Variants in SLCO2A1 observed in about 807,000 individuals in gnomAD.
SLCO2A1 encodes the protein matrin F/G 1.
Under a neutral mutation model 71.7 loss-of-function variants are expected in SLCO2A1, and 60 were observed. The ratio of observed to expected loss-of-function variants is 0.84; its 90% CI spans 0.68 to 1.04. The LOEUF is 1.04. SLCO2A1 is among the 50% of genes least tolerant of loss of function. The pLI is 0.00. For synonymous variants in SLCO2A1, 308 were observed against 326.7 expected (o/e 0.94, Z 0.62); for missense variants, 745 against 813.4 (o/e 0.92, Z 1.02).
At chr3:134,029,664 C>A (rs1400629534) in intron 1 of SLCO2A1, 43 bp downstream of exon 1, 1 of 1,499,300 alleles carries the variant, frequency 6.7e-7, no homozygotes, top group East Asian at 2.5e-5. Flanking sequence ...GAAGGTGCGC[C>A]AGGCGCGGCT....
chr3:133,996,377 G>C (rs1934963561), intron 1 of SLCO2A1, among the ~76,000 whole-genome samples: 1 of 152,216 alleles, frequency 6.6e-6, no homozygotes, highest in Admixed American at 6.5e-5. Context: ...TTAGAAGCAG[G>C]GCGGGCAGGC....
intron 1 of SLCO2A1, among the ~76,000 whole-genome samples, chr3:133,987,045 T>C (rs1361130176): frequency 6.6e-6 from 1 of 152,084 alleles, no homozygotes; most frequent in African/African-American, 2.4e-5. Flanking sequence ...CCCACTCTGA[T>C]GTTTTCCACA....
intron 1 of SLCO2A1, among the ~76,000 whole-genome samples, chr3:133,980,620 G>T (rs553124154): frequency 6.6e-6 from 1 of 152,250 alleles, no homozygotes; most frequent in African/African-American, 2.4e-5. Context: ...GTCTTCCAAA[G>T]CTCTTTCCAT....
chr3:133,995,428 T>C (rs796132719), intron 1 of SLCO2A1, among the ~76,000 whole-genome samples: 6 of 152,240 alleles, frequency 3.9e-5, no homozygotes, highest in African/African-American at 1.4e-4. Flanking sequence ...TGCTTGAAAA[T>C]AAGCAGTAGA....
Position 133,938,078 on chromosome 3 carries a change from C to A in SLCO2A1, c.1690+351G>T, listed in dbSNP as rs900471361. Among the ~76,000 whole-genome samples the A allele has an allele frequency of 5.3e-5, 8 of 152,190 alleles. 1 individual carries two copies. Among genetic ancestry groups the A allele is most frequent in the Admixed American group, 5.2e-4 (8 of 15,276 alleles). On this transcript the variant is annotated intron_variant, in intron 12 of 13. Coordinates refer to ENST00000310926, the MANE Select transcript of SLCO2A1 (RefSeq NM_005630.3). ...AAAGGAAGCCAGGGCTGGGCTCAGCCGCTGCTCTGGCTTGGCAGGAATGCA... is the reference window on the plus strand; with the variant it reads ...AAAGGAAGCCAGGGCTGGGCTCAGCAGCTGCTCTGGCTTGGCAGGAATGCA...
chr3:133,978,201 T>G (rs1366367980), intron 2 of SLCO2A1, among the ~76,000 whole-genome samples: 1 of 152,146 alleles, frequency 6.6e-6, no homozygotes, highest in Non-Finnish European at 1.5e-5. Flanking sequence ...GCAGTGCTTG[T>G]GAGCAAGAGA....
In SLCO2A1 at chr3:133,948,642, C is replaced by T; in HGVS notation, c.999G>A (p.Leu333=). 6.2e-7 allele frequency: 1 copy of T among 1,614,070 alleles called. No homozygotes were observed. The highest frequency in any genetic ancestry group is 8.5e-7 in the Non-Finnish European group (1 of 1,180,016). Residue 333 remains leucine, a synonymous_variant, in exon 8 of 14, where the codon CTG becomes CTA. Transcript: ENST00000310926. Reference sequence around the variant, plus strand: ...TGACGGAGGAGAAGGTGCACTGGGCCAGGACCACCAGGACGAAGAGTGAGT... The same window carrying T: ...TGACGGAGGAGAAGGTGCACTGGGCTAGGACCACCAGGACGAAGAGTGAGT... ...LMNSLFVLVV[L]AQCTFSSVIA... is the part of the protein sequence containing the mutation.
At chr3:133,951,854 C>T (rs1428580305) in intron 5 of SLCO2A1, among the ~76,000 whole-genome samples, 5 of 152,296 alleles carry the variant, frequency 3.3e-5, no homozygotes, top group Middle Eastern at 3.4e-3. Context: ...TGCAAACCTG[C>T]CCTCTTAACC....
intron 5 of SLCO2A1, among the ~76,000 whole-genome samples, chr3:133,951,974 G>A (rs1353422251): frequency 6.6e-6 from 1 of 152,172 alleles, no homozygotes; most frequent in Non-Finnish European, 1.5e-5. Context: ...GCTTCCAAAG[G>A]AGCAGCTTTC....
At chr3:133,940,002 C>T (rs1048078470) in intron 11 of SLCO2A1, among the ~76,000 whole-genome samples, 2 of 125,534 alleles carry the variant, frequency 1.6e-5, no homozygotes, top group Non-Finnish European at 3.2e-5. Flanking sequence ...GAGTCTCATT[C>T]TGTCACCCAG....
At chr3:134,023,820 C>G (rs1935644959) in intron 1 of SLCO2A1, among the ~76,000 whole-genome samples, 1 of 152,212 alleles carries the variant, frequency 6.6e-6, no homozygotes, top group African/African-American at 2.4e-5. Flanking sequence ...AGACTGTCCC[C>G]TTTCCACTAA....
intron 3 of SLCO2A1, among the ~76,000 whole-genome samples, chr3:133,969,376 G>A (rs1293030664): frequency 1.3e-5 from 2 of 152,104 alleles, no homozygotes; most frequent in Non-Finnish European, 2.9e-5. Flanking sequence ...GTTGCAGTGA[G>A]CCGAGATCGC....
At chr3:133,987,137 C>CT (rs1934732782) in intron 1 of SLCO2A1, among the ~76,000 whole-genome samples, 1 of 126,170 alleles carries the variant, frequency 7.9e-6, no homozygotes, top group African/African-American at 2.9e-5. Flanking sequence ...CAAAGCCCCC[C>CT]CCCCCGCCCC....
At chr3:133,978,739 C>A (rs1223468792) in intron 2 of SLCO2A1, among the ~76,000 whole-genome samples, 1 of 152,100 alleles carries the variant, frequency 6.6e-6, no homozygotes, top group African/African-American at 2.4e-5. Context: ...AGCCCAGGAG[C>A]CCTGTCTCCA....
intron 1 of SLCO2A1, among the ~76,000 whole-genome samples, chr3:134,014,740 C>T (rs1025629185): frequency 2.6e-5 from 4 of 152,130 alleles, no homozygotes; most frequent in Non-Finnish European, 4.4e-5. Context: ...AGAGATGTTC[C>T]GTGGTCACGG....
rs551657200 is a variant in SLCO2A1, at chr3:134,022,419, TA to T, written c.96+7287del. 4.9e-3 allele frequency among the ~76,000 whole-genome samples: 738 copies of T among 152,152 alleles called. 9 individuals carry two copies. Among genetic ancestry groups the T allele is most frequent in the African/African-American group, 0.017 (708 of 41,548 alleles). On this transcript the variant is annotated intron_variant, in intron 1 of 13. Coordinates refer to ENST00000310926, the MANE Select transcript of SLCO2A1 (RefSeq NM_005630.3). Reference sequence around the variant, plus strand: ...TACATTTTTACCTACATTAAAAAGTTAAAAAAAATTATTGTTTTGAAGGTTT... The same window carrying T: ...TACATTTTTACCTACATTAAAAAGTTAAAAAAATTATTGTTTTGAAGGTTT...
intron 3 of SLCO2A1, among the ~76,000 whole-genome samples, chr3:133,958,525 G>A (rs1173529440): frequency 2.0e-5 from 3 of 152,196 alleles, no homozygotes; most frequent in Admixed American, 1.3e-4. Flanking sequence ...GCTCTTCTCA[G>A]GACCAAATAG....
At chr3:134,028,287 C>T (rs1449439251) in intron 1 of SLCO2A1, among the ~76,000 whole-genome samples, 14 of 152,164 alleles carry the variant, frequency 9.2e-5, no homozygotes, top group Non-Finnish European at 1.9e-4. Context: ...CTAGTCCCTA[C>T]CCTTTCATCT....
Position 133,948,527 on chromosome 3 carries a change from T to C in SLCO2A1, c.1105+9A>G, listed in dbSNP as rs749403601. 3.5e-5 allele frequency: 57 copies of C among 1,611,750 alleles called. No homozygotes were observed. In the East Asian group the frequency reaches 1.2e-3, roughly 35 times the overall value. Reference sequence around the variant, plus strand: ...GCCCTGCGGATCCTGCAGCACCCTCTGGGCTCACCAATGAGGAAGTTGGCA... The same window carrying C: ...GCCCTGCGGATCCTGCAGCACCCTCCGGGCTCACCAATGAGGAAGTTGGCA... On this transcript the variant is annotated intron_variant, in intron 8 of 13. Coordinates refer to ENST00000310926, the MANE Select transcript of SLCO2A1 (RefSeq NM_005630.3).
Sources: gnomAD v4.1 joint callset for allele counts (sites outside exome capture counted in the v4.1 genomes callset) on GRCh38, gnomAD v4.1.1 for gene constraint, MANE v1.5 for transcripts, NCBI Gene and HGNC (gene_info 2026-07-23, HGNC 2026-07-21) for gene names.